CPNE2: variants seen among roughly 807,000 people sequenced by gnomAD.
The protein encoded by CPNE2 is copine-2.
Under a neutral mutation model 69.7 loss-of-function variants are expected in CPNE2, and 42 were observed. The ratio of observed to expected loss-of-function variants is 0.60; its 90% CI spans 0.47 to 0.78. CPNE2 has a LOEUF of 0.78. CPNE2 is among the 30% of genes least tolerant of loss of function. The pLI is 0.00. For synonymous variants in CPNE2, 294 were observed against 289.8 expected, an observed-to-expected ratio of 1.01 and a Z score of -0.15; for missense variants, 587 against 732.0, an observed-to-expected ratio of 0.80 and a Z score of 2.29.
intron 1 of CPNE2, among the ~76,000 whole-genome samples, chr16:57,101,038 C>T (rs1441531470): frequency 1.3e-5 from 2 of 152,178 alleles, no homozygotes; most frequent in Admixed American, 1.3e-4. Flanking sequence ...ACTTTTGAGT[C>T]CAGCAGCTTA....
intron 7 of CPNE2, among the ~76,000 whole-genome samples, chr16:57,120,143 C>T (rs1036446102): frequency 1.3e-5 from 2 of 151,918 alleles, no homozygotes; most frequent in Admixed American, 1.3e-4. Context: ...CATGGCGGTG[C>T]ACGCCTGTAG....
intron 14 of CPNE2, chr16:57,143,338 G>A (rs917069089): frequency 1.3e-5 from 2 of 152,356 alleles, no homozygotes; most frequent in Non-Finnish European, 2.9e-5. Context: ...TGGCACATAG[G>A]GGTGCGGGTT....
intron 1 of CPNE2, among the ~76,000 whole-genome samples, chr16:57,108,449 A>C (rs530700812): frequency 6.7e-4 from 102 of 152,344 alleles, no homozygotes; most frequent in Non-Finnish European, 1.2e-3. Context: ...GTTCAGGGTC[A>C]GTAAACCACT....
chr16:57,112,500 G>A (rs944683570), intron 2 of CPNE2, among the ~76,000 whole-genome samples: 1 of 152,142 alleles, frequency 6.6e-6, no homozygotes, highest in South Asian at 2.1e-4. Flanking sequence ...CTCCGTCCCT[G>A]CTGCTCCAGC....
intron 12 of CPNE2, among the ~76,000 whole-genome samples, chr16:57,128,572 G>A (rs1195136037): frequency 2.6e-5 from 4 of 152,138 alleles, no homozygotes; most frequent in African/African-American, 7.2e-5. Flanking sequence ...AATATTTCAT[G>A]GGACATACTT....
chr16:57,111,632 T>C (rs1230714313), intron 2 of CPNE2, among the ~76,000 whole-genome samples: 2 of 152,254 alleles, frequency 1.3e-5, no homozygotes, highest in Non-Finnish European at 2.9e-5. Context: ...CCAGTGATGC[T>C]ACTCCCTGCT....
chr16:57,125,664 TAGAG>T (rs2069795336), intron 10 of CPNE2, 192 bp from the exon 11 acceptor site: 1 of 647,760 alleles, frequency 1.5e-6, no homozygotes, highest in Admixed American at 3.0e-5. Flanking sequence ...GCTTGGGCAA[TAGAG>T]AGCCACAGAT....
intron 3 of CPNE2, among the ~76,000 whole-genome samples, 155 bp downstream of exon 3, chr16:57,113,622 C>G (rs892255425): frequency 6.6e-6 from 1 of 152,202 alleles, no homozygotes; most frequent in Non-Finnish European, 1.5e-5. Context: ...GGTTCAAGGC[C>G]GGGCTGAAGA....
chr16:57,123,330 G>A, intron 9 of CPNE2, 84 bp from the exon 10 acceptor site: 4 of 1,388,296 alleles, frequency 2.9e-6, no homozygotes, highest in Non-Finnish European at 4.1e-6. Flanking sequence ...TCCCTACTGA[G>A]GTTGCAGGAC....
intron 1 of CPNE2, among the ~76,000 whole-genome samples, chr16:57,093,505 A>T (rs2069558076): frequency 6.7e-6 from 1 of 150,352 alleles, no homozygotes; most frequent in East Asian, 2.0e-4. Context: ...TGCTCTTCCC[A>T]CCCCATCCCC....
intron 9 of CPNE2, among the ~76,000 whole-genome samples, chr16:57,122,821 G>A (rs1265763090): frequency 6.6e-6 from 1 of 151,792 alleles, no homozygotes; most frequent in African/African-American, 2.4e-5. Flanking sequence ...TTGAACTCCT[G>A]ACCTCAAGTG....
intron 3 of CPNE2, among the ~76,000 whole-genome samples, chr16:57,114,860 G>A (rs1226422081): frequency 3.4e-5 from 5 of 147,856 alleles, no homozygotes; most frequent in African/African-American, 1.3e-4. Context: ...CACTTTGGGA[G>A]GCCAAGGCGG....
At chr16:57,141,108 A>C (rs565470411) in intron 14 of CPNE2, 5 of 152,526 alleles carry the variant, frequency 3.3e-5, no homozygotes, top group African/African-American at 1.2e-4. Context: ...GCCCAGTGTT[A>C]GCGCCAGGGC....
intron 7 of CPNE2, among the ~76,000 whole-genome samples, chr16:57,119,929 T>G (rs1470455581): frequency 2.6e-5 from 4 of 152,120 alleles, no homozygotes; most frequent in Admixed American, 2.6e-4. Context: ...ACCTTGGAAA[T>G]TATCAAATTT....
Position 57,146,259 on chromosome 16 carries a change from C to T in CPNE2, c.1477C>T (p.His493Tyr). The T allele has an allele frequency of 6.4e-7, 1 of 1,557,700 alleles. No homozygotes were observed. Among genetic ancestry groups the T allele is most frequent in the Non-Finnish European group, 8.7e-7 (1 of 1,150,034 alleles). Reference sequence around the variant, plus strand: ...TGGGGACAGCCGCATGCTGCGCTCCCACACGGGGGAGGAGGCAGCCCGCGA... The same window carrying T: ...TGGGGACAGCCGCATGCTGCGCTCCTACACGGGGGAGGAGGCAGCCCGCGA... ...LDGDSRMLRS[H>Y]TGEEAARDIV... The change falls in exon 15 of 16, where the codon CAC (histidine) becomes TAC (tyrosine). Residue 493 changes from histidine (H) to tyrosine (Y), a missense_variant. Transcript: ENST00000290776. This position sits in a 1 kb window ranked among gnomAD's most constrained non-coding sequence, Gnocchi z 4.4.
intron 12 of CPNE2, among the ~76,000 whole-genome samples, chr16:57,132,895 C>A (rs188886396): frequency 6.6e-6 from 1 of 152,110 alleles, no homozygotes; most frequent in African/African-American, 2.4e-5. Context: ...CCACAGCCCC[C>A]CTGACCGCAA....
In CPNE2 at chr16:57,125,959, T is replaced by G. The variant is rs1180228788; in HGVS notation, c.1027T>G (p.Trp343Gly). The G allele has an allele frequency of 1.2e-6, 2 of 1,614,212 alleles. No homozygotes were observed. The highest frequency in any genetic ancestry group is 1.7e-6 in the Non-Finnish European group (2 of 1,180,046). ...MGTNEYLSAI[W>G]AVGQIIQDYD... Reference sequence around the variant, plus strand: ...CACCAACGAATATCTGTCGGCCATCTGGGCTGTTGGGCAGATCATTCAGGA... The same window carrying G: ...CACCAACGAATATCTGTCGGCCATCGGGGCTGTTGGGCAGATCATTCAGGA... Residue 343 changes from tryptophan to glycine, a missense_variant, in exon 11 of 16, where the codon TGG (tryptophan) becomes GGG (glycine). Trp to Gly is a radical substitution (Grantham distance 184). This residue lies in a region of CPNE2 where 269 missense variants were observed against 300.5 expected (regional missense o/e 0.90). Transcript: ENST00000290776.
intron 14 of CPNE2, among the ~76,000 whole-genome samples, chr16:57,139,327 TC>T (rs2069905057): frequency 6.6e-6 from 1 of 152,152 alleles, no homozygotes. Context: ...TGACAGCTGA[TC>T]CATGGAGTGC....
At chr16:57,134,282 CTG>C (rs2069860512) in intron 12 of CPNE2, among the ~76,000 whole-genome samples, 1 of 152,198 alleles carries the variant, frequency 6.6e-6, no homozygotes, top group Admixed American at 6.5e-5. Flanking sequence ...TCTGAGTGGG[CTG>C]TCAGCTCACC....
Sources: allele counts gnomAD v4.1 joint callset (sites outside exome capture counted in the v4.1 genomes callset), GRCh38; gene constraint gnomAD v4.1.1; regional missense constraint gnomAD v4.1.1; non-coding constraint Gnocchi (gnomAD v3.1); transcripts MANE v1.5; gene names NCBI Gene and HGNC (gene_info 2026-07-23, HGNC 2026-07-21).